Variants in PRKDC observed in about 807,000 individuals in gnomAD.
PRKDC encodes protein kinase, DNA-activated, catalytic subunit, also known as DNA-dependent protein kinase catalytic subunit.
A neutral mutation model predicts 486.9 loss-of-function variants in PRKDC; 82 were observed. That is an observed-to-expected ratio of 0.17 (90% CI 0.14 to 0.20). The LOEUF is 0.20. Ranked by LOEUF, PRKDC falls within the 10% of genes least tolerant of loss-of-function variation. The pLI, the probability that PRKDC is intolerant of heterozygous loss-of-function variation, is 1.00. For missense variants in PRKDC, 4,504 were observed against 5,038.2 expected (o/e 0.89, Z 3.21); for synonymous variants, 1,895 against 1,837.0 (o/e 1.03, Z -0.81).
At chr8:47,848,197 C>T (rs1280295236) in intron 54 of PRKDC, among the ~76,000 whole-genome samples, 1 of 152,140 alleles carries the variant, frequency 6.6e-6, no homozygotes, top group Non-Finnish European at 1.5e-5. Context: ...CATATGTTCA[C>T]TACAGCACCA....
At chr8:47,921,517 T>A (rs976057971) in intron 21 of PRKDC, among the ~76,000 whole-genome samples, 28 of 152,082 alleles carry the variant, frequency 1.8e-4, no homozygotes, top group African/African-American at 6.0e-4. Flanking sequence ...AATTTTTGTG[T>A]TTATGTGCTT....
chr8:47,880,214 T>C (rs1204339032), intron 38 of PRKDC, among the ~76,000 whole-genome samples: 1 of 152,158 alleles, frequency 6.6e-6, no homozygotes, highest in Non-Finnish European at 1.5e-5. Context: ...CATAAATAAA[T>C]GGGACATGGT....
Position 47,900,313 on chromosome 8 carries a change from T to C in PRKDC, c.3364+60A>G. 5 of 1,237,418 alleles carry C rather than the reference T, an allele frequency of 4.0e-6. No homozygotes were observed. The South Asian group carries it at 9.8e-5, about 24-fold the overall frequency. The allele number at this position is 1,237,418 out of a possible 1,614,324, so 76.7% of individuals were successfully genotyped here. ...ATAAGAGAATCACACGAGCCTTAACTCCTCATTGGGGAAACTCTTCAGACC... is the reference window on the plus strand; with the variant it reads ...ATAAGAGAATCACACGAGCCTTAACCCCTCATTGGGGAAACTCTTCAGACC... On this transcript the variant is annotated intron_variant, in intron 28 of 85. Transcript: ENST00000314191.
At chr8:47,801,049 G>A (rs2087098201) in intron 70 of PRKDC, 63 bp from the exon 71 acceptor site, 4 of 1,440,610 alleles carry the variant, frequency 2.8e-6, no homozygotes, top group Admixed American at 3.9e-5. Context: ...TTAAAAAGAA[G>A]AAATTCATTG....
At position 47,927,909 on chromosome 8, in the gene PRKDC, A is replaced by G. The variant is rs369391050; in HGVS notation, c.2140-19T>C. 17 of 1,521,836 alleles carry G rather than the reference A, an allele frequency of 1.1e-5. No homozygotes were observed. Among genetic ancestry groups the G allele is most frequent in the Middle Eastern group, 1.7e-4 (1 of 5,748 alleles). 94.3% of individuals were successfully genotyped at this position (1,521,836 alleles called of 1,614,324 possible). The stretch of plus-strand genomic sequence containing the variant: ...CTGCCACCTTAACAAGAAAGAAGAC[A>G]GTAATGTATATCTGAATAGAGCCTA... On this transcript the variant is annotated intron_variant, in intron 19 of 85. Transcript: ENST00000314191.
chr8:47,816,947 T>A (rs1563749426), intron 68 of PRKDC, among the ~76,000 whole-genome samples: 1 of 152,166 alleles, frequency 6.6e-6, no homozygotes, highest in African/African-American at 2.4e-5. Flanking sequence ...ATTACATGGT[T>A]AGTACCTGCC....
intron 40 of PRKDC, among the ~76,000 whole-genome samples, chr8:47,873,910 C>T (rs2089023340): frequency 6.7e-6 from 1 of 150,364 alleles, no homozygotes; most frequent in South Asian, 2.1e-4. Context: ...GGTACAAAAA[C>T]ATGGTTAGAT....
intron 81 of PRKDC, 62 bp downstream of exon 81, chr8:47,778,942 A>C: frequency 6.8e-7 from 1 of 1,462,136 alleles, no homozygotes; most frequent in Admixed American, 2.3e-5. Flanking sequence ...AATCAAAAGA[A>C]AACATGCAAT....
At chr8:47,887,437 G>T in intron 35 of PRKDC, 110 bp downstream of exon 35, 1 of 1,004,286 alleles carries the variant, frequency 1.0e-6, no homozygotes, top group Non-Finnish European at 1.3e-6. Flanking sequence ...TACAATACTT[G>T]TCCAGCTAAA....
chr8:47,849,219 C>T lies in PRKDC; in HGVS notation c.7215G>A (p.Val2405=). The T allele has an allele frequency of 6.2e-7, 1 of 1,614,026 alleles. No individual in the cohort carries two copies. The highest frequency in any genetic ancestry group is 1.7e-5 in the Admixed American group (1 of 60,026). Residue 2405 remains valine (V), a synonymous_variant, in exon 54 of 86, where the codon GTG becomes GTA. Coordinates refer to ENST00000314191, the MANE Select transcript of PRKDC (RefSeq NM_006904.7). ...GGAAGTACAGCTCTGTCATTCCCTC[C>T]ACACGACAAAGTACCACCTCCAGAC... The part of the protein sequence containing the change: ...TLCLEVVLCR[V]EGMTELYFQL...
intron 74 of PRKDC, among the ~76,000 whole-genome samples, chr8:47,792,352 G>A (rs921205784): frequency 2.7e-5 from 4 of 150,070 alleles, no homozygotes; most frequent in African/African-American, 7.4e-5. Context: ...TCCGCCTCCC[G>A]GGTTCACGCC....
At chr8:47,794,646 C>A in intron 73 of PRKDC, 145 bp from the exon 74 acceptor site, 1 of 685,728 alleles carries the variant, frequency 1.5e-6, no homozygotes, top group South Asian at 2.2e-5. Context: ...CTCTCTTCTG[C>A]TGCGGCAACC....
intron 54 of PRKDC, among the ~76,000 whole-genome samples, chr8:47,840,992 G>C (rs1197330265): frequency 6.6e-6 from 1 of 152,180 alleles, no homozygotes; most frequent in Admixed American, 6.5e-5. Context: ...CAATAGAGAG[G>C]CAACACAGAC....
chr8:47,801,966 A>G (rs1451167211), intron 70 of PRKDC, among the ~76,000 whole-genome samples: 3 of 152,220 alleles, frequency 2.0e-5, no homozygotes, highest in African/African-American at 4.8e-5. Context: ...TTATTATTAT[A>G]TGGGTATATG....
chr8:47,800,707 T>A, intron 71 of PRKDC, 86 bp downstream of exon 71: 2 of 1,214,760 alleles, frequency 1.6e-6, no homozygotes, highest in Non-Finnish European at 2.2e-6. Flanking sequence ...CAAAGCAACA[T>A]CCTTATTATT....
chr8:47,936,508 C>A lies in PRKDC; in HGVS notation c.1123G>T (p.Val375Phe), dbSNP rs763664375. 9.3e-6 allele frequency: 15 copies of A among 1,613,836 alleles called. No individual in the cohort carries two copies. The highest frequency in any genetic ancestry group is 2.7e-5 in the African/African-American group (2 of 74,914). The change falls in exon 12 of 86, where the codon GTT becomes TTT. Residue 375 changes from valine (V) to phenylalanine (F), a missense_variant. Around this residue, in one of 6 missense-constraint regions of PRKDC, gnomAD observed 1,969 missense variants for 2,068.9 expected, o/e 0.95. Coordinates refer to ENST00000314191, the MANE Select transcript of PRKDC (RefSeq NM_006904.7). Reference sequence around the variant, plus strand: ...AAGTCAACATCTTTTGCGTTTATAACCTTGCACGGCTTTAGAAAAGGTAAA... The same window carrying A: ...AAGTCAACATCTTTTGCGTTTATAAACTTGCACGGCTTTAGAAAAGGTAAA... Reference protein sequence around the residue: ...GYGLFAGPCKVINAKDVDFMY... With the variant: ...GYGLFAGPCKFINAKDVDFMY...
intron 48 of PRKDC, among the ~76,000 whole-genome samples, chr8:47,857,629 G>A (rs955960721): frequency 6.6e-6 from 1 of 152,138 alleles, no homozygotes; most frequent in Admixed American, 6.5e-5. Context: ...CATAGCTCTC[G>A]AAGGAACCAA....
chr8:47,846,359 T>C (rs2088263326), intron 54 of PRKDC, among the ~76,000 whole-genome samples: 1 of 145,036 alleles, frequency 6.9e-6, no homozygotes, highest in South Asian at 2.1e-4. Flanking sequence ...GAGGTTGCAG[T>C]GAGCTGAGGT....
chr8:47,864,436 A>G, intron 41 of PRKDC, 120 bp downstream of exon 41: 1 of 864,098 alleles, frequency 1.2e-6, no homozygotes, highest in Non-Finnish European at 1.7e-6. Context: ...GTAGCCACAG[A>G]CTGTTATGTG....
Sources: gnomAD v4.1 joint callset for allele counts (sites outside exome capture counted in the v4.1 genomes callset) on GRCh38, gnomAD v4.1.1 for gene constraint, gnomAD v4.1.1 regional missense constraint, MANE v1.5 for transcripts, NCBI Gene and HGNC (gene_info 2026-07-23, HGNC 2026-07-21) for gene names.